The following RAG1 variants were observed in gnomAD, a reference collection of about 807,000 sequenced individuals.
The protein encoded by RAG1 is recombination activating 1.
A neutral mutation model predicts 62.7 loss-of-function variants in RAG1; 35 were observed. That is an observed-to-expected ratio of 0.56 (90% CI 0.43 to 0.74). The LOEUF is 0.74. Ranked by LOEUF, RAG1 falls within the 30% of genes least tolerant of loss-of-function variation. The pLI, the probability that RAG1 is intolerant of heterozygous loss-of-function variation, is 0.00. For synonymous variants in RAG1, 461 were observed against 470.3 expected, an observed-to-expected ratio of 0.98 and a Z score of 0.26; for missense variants, 1,169 against 1,278.6, an observed-to-expected ratio of 0.91 and a Z score of 1.31.
intron 1 of RAG1, among the ~76,000 whole-genome samples, chr11:36,512,090 G>A (rs1278949953): frequency 6.6e-6 from 1 of 152,184 alleles, no homozygotes; most frequent in East Asian, 1.9e-4. Flanking sequence ...ATTCAATATA[G>A]GAGAGAGTTT....
At chr11:36,534,182 T>C (rs939330432) in intron 2 of RAG1, among the ~76,000 whole-genome samples, 2 of 152,186 alleles carry the variant, frequency 1.3e-5, no homozygotes, top group South Asian at 2.1e-4. Flanking sequence ...ATTTAAATTA[T>C]AAGCAATTCA....
chr11:36,574,272 T>G lies in RAG1; in HGVS notation c.968T>G (p.Val323Gly), dbSNP rs1850799717. 6.2e-7 allele frequency: 1 copy of G among 1,614,170 alleles called. No individual in the cohort carries two copies. The highest frequency in any genetic ancestry group is 8.5e-7 in the Non-Finnish European group (1 of 1,180,036). ...CRVCILRCLK[V>G]MGSYCPSCRY... ...GTCTGCATTCTCAGATGCCTCAAAGTCATGGGCAGCTATTGTCCCTCTTGC... is the reference window on the plus strand; with the variant it reads ...GTCTGCATTCTCAGATGCCTCAAAGGCATGGGCAGCTATTGTCCCTCTTGC... The change falls in exon 2 of 2, where the codon GTC (valine) becomes GGC (glycine). Residue 323 changes from valine to glycine, a missense_variant. By Grantham distance (109) the Val-to-Gly change is moderately radical. Around this residue, in one of 2 missense-constraint regions of RAG1, gnomAD observed 800 missense variants for 943.3 expected, o/e 0.85. Coordinates refer to ENST00000299440, the MANE Select transcript of RAG1 (RefSeq NM_000448.3).
At chr11:36,531,146 A>G (rs1389254990) in intron 2 of RAG1, among the ~76,000 whole-genome samples, 1 of 151,888 alleles carries the variant, frequency 6.6e-6, no homozygotes, top group African/African-American at 2.4e-5. Flanking sequence ...TAATATAGCT[A>G]CTTACTCTTG....
intron 3 of RAG1, among the ~76,000 whole-genome samples, chr11:36,550,755 A>G (rs1850469638): frequency 6.6e-6 from 1 of 152,118 alleles, no homozygotes; most frequent in South Asian, 2.1e-4. Flanking sequence ...TTCTCATAAG[A>G]TAGCATGATG....
intron 2 of RAG1, among the ~76,000 whole-genome samples, chr11:36,535,630 G>A (rs559134865): frequency 5.1e-4 from 78 of 152,194 alleles, no homozygotes; most frequent in African/African-American, 1.8e-3. Flanking sequence ...TGTAATCCCA[G>A]CTACTCAGGA....
intron 1 of RAG1, among the ~76,000 whole-genome samples, chr11:36,516,974 T>C (rs768584459): frequency 7.2e-5 from 11 of 152,234 alleles, no homozygotes; most frequent in Non-Finnish European, 1.6e-4. Flanking sequence ...AGGAAGTGTC[T>C]GAATTTAAAA....
At chr11:36,536,949 A>G (rs1367110240), downstream of RAG1, among the ~76,000 whole-genome samples, 6 of 132,768 alleles carry the variant, frequency 4.5e-5, no homozygotes, top group East Asian at 2.0e-4. Flanking sequence ...TAGTAGAGAC[A>G]GGGTTTCACC....
chr11:36,557,534 C>G (rs997136582), intron 3 of RAG1, among the ~76,000 whole-genome samples: 1 of 151,276 alleles, frequency 6.6e-6, no homozygotes, highest in Non-Finnish European at 1.5e-5. Context: ...GACAGGAACC[C>G]GGTACCTCAG....
chr11:36,571,375 A>G (rs1590699911), intron 1 of RAG1, among the ~76,000 whole-genome samples: 1 of 152,170 alleles, frequency 6.6e-6, no homozygotes, highest in South Asian at 2.1e-4. Flanking sequence ...CCTAAGAGGC[A>G]GGGGAGCCAC....
At chr11:36,528,026 A>C (rs534079439) in intron 2 of RAG1, among the ~76,000 whole-genome samples, 1 of 152,262 alleles carries the variant, frequency 6.6e-6, no homozygotes, top group Admixed American at 6.5e-5. Context: ...AAAGAGGCTT[A>C]GACTCCCACA....
Position 36,573,927 on chromosome 11 carries a change from C to A in RAG1, c.623C>A (p.Thr208Lys). 6.2e-7 allele frequency: 1 copy of A among 1,614,168 alleles called. No homozygotes were observed. The highest frequency in any genetic ancestry group is 8.5e-7 in the Non-Finnish European group (1 of 1,180,034). The change falls in exon 2 of 2, where the codon ACA becomes AAA. Residue 208 changes from threonine to lysine, a missense_variant. Physicochemically the swap from Thr to Lys is moderately conservative, Grantham distance 78 (BLOSUM62 -1). Coordinates refer to ENST00000299440, the MANE Select transcript of RAG1 (RefSeq NM_000448.3). Reference sequence around the variant, plus strand: ...GTGACCATGGAGTGGCACCCCCACACACCATCCTGTGACATCTGCAACACT... The same window carrying A: ...GTGACCATGGAGTGGCACCCCCACAAACCATCCTGTGACATCTGCAACACT... ...RNVTMEWHPH[T>K]PSCDICNTAR...
intron 1 of RAG1, 62 bp from the exon 2 acceptor site, chr11:36,573,229 A>T: frequency 6.8e-7 from 1 of 1,470,916 alleles, no homozygotes; most frequent in South Asian, 1.2e-5. Context: ...TTTATTATTT[A>T]TAAGATACAT....
At chr11:36,517,519 G>T (rs1428514165) in intron 1 of RAG1, among the ~76,000 whole-genome samples, 1 of 152,168 alleles carries the variant, frequency 6.6e-6, no homozygotes, top group African/African-American at 2.4e-5. Context: ...TGGAAGGTTT[G>T]TGTAAGTGTG....
intron 2 of RAG1, among the ~76,000 whole-genome samples, chr11:36,523,729 G>A (rs980259347): frequency 6.6e-6 from 1 of 152,052 alleles, no homozygotes; most frequent in African/African-American, 2.4e-5. Flanking sequence ...GCTGGCCATT[G>A]CATAATTTTT....
Position 36,575,688 on chromosome 11 carries a change from A to G in RAG1, c.2384A>G (p.Asp795Gly). ...TTCATTGAGACAGTCCCTTCCATAG[A>G]TGCACTCCACTGTGACATTGGCAAT... ...KPFIETVPSI[D>G]ALHCDIGNAA... Residue 795 changes from aspartate (D) to glycine (G), a missense_variant, in exon 2 of 2, where the codon GAT (aspartate) becomes GGT (glycine). Physicochemically the swap from Asp to Gly is moderately conservative, Grantham distance 94 (BLOSUM62 -1). Around this residue, in one of 2 missense-constraint regions of RAG1, gnomAD observed 800 missense variants for 943.3 expected, o/e 0.85. Coordinates refer to ENST00000299440, the MANE Select transcript of RAG1 (RefSeq NM_000448.3). The surrounding 1 kb of genome is among the most constrained non-coding windows in gnomAD (Gnocchi z 4.1). The G allele has an allele frequency of 6.2e-7, 1 of 1,614,202 alleles. No individual in the cohort carries two copies. The highest frequency in any genetic ancestry group is 1.3e-5 in the African/African-American group (1 of 75,054).
At chr11:36,551,605 T>C (rs1012024641) in intron 3 of RAG1, among the ~76,000 whole-genome samples, 2 of 105,288 alleles carry the variant, frequency 1.9e-5, no homozygotes, top group African/African-American at 4.1e-5. Context: ...TTACTTCTTT[T>C]TTTTTTTTTT....
At chr11:36,551,034 A>G (rs998166773) in intron 3 of RAG1, among the ~76,000 whole-genome samples, 1 of 152,150 alleles carries the variant, frequency 6.6e-6, no homozygotes, top group African/African-American at 2.4e-5. Flanking sequence ...TGGCAAAAGT[A>G]TTGGACAGAT....
chr11:36,573,685 T>C lies in RAG1; in HGVS notation c.381T>C (p.Tyr127=). The C allele has an allele frequency of 6.2e-7, 1 of 1,614,088 alleles. No homozygotes were observed. The highest frequency in any genetic ancestry group is 8.5e-7 in the Non-Finnish European group (1 of 1,180,030). The change falls in exon 2 of 2, where the codon TAT becomes TAC. Residue 127 remains tyrosine (Y), a synonymous_variant. Transcript: ENST00000299440. ...SFRADEHNRR[Y]PVHGPVDGKT... Reference sequence around the variant, plus strand: ...GAGCTGATGAGCACAACAGGAGATATCCAGTCCATGGTCCTGTGGATGGTA... The same window carrying C: ...GAGCTGATGAGCACAACAGGAGATACCCAGTCCATGGTCCTGTGGATGGTA...
chr11:36,534,225 A>C (rs1860294439), intron 2 of RAG1, among the ~76,000 whole-genome samples: 1 of 152,224 alleles, frequency 6.6e-6, no homozygotes, highest in Non-Finnish European at 1.5e-5. Context: ...CTACATTAAT[A>C]AAATTTTCAG....
Sources: gnomAD v4.1 joint callset for allele counts (sites outside exome capture counted in the v4.1 genomes callset) on GRCh38, gnomAD v4.1.1 for gene constraint, gnomAD v4.1.1 regional missense constraint, Gnocchi (gnomAD v3.1) non-coding constraint, MANE v1.5 for transcripts, NCBI Gene and HGNC (gene_info 2026-07-23, HGNC 2026-07-21) for gene names.